Variants in PLCE1 observed in about 807,000 individuals in gnomAD.
PLCE1 encodes 1-phosphatidylinositol 4,5-bisphosphate phosphodiesterase epsilon-1.
A neutral mutation model predicts 242.8 loss-of-function variants in PLCE1; 119 were observed. The observed-to-expected ratio is 0.49, with a 90% CI of 0.42 to 0.57. The LOEUF (loss-of-function observed/expected upper bound fraction) is 0.57. Among genes scored for constraint, PLCE1 ranks in the 20% least tolerant of loss-of-function variants. PLCE1 has a pLI of 0.00. For missense variants in PLCE1, 2,441 were observed against 2,788.8 expected (o/e 0.88, Z 2.81); for synonymous variants, 945 against 1,017.4 (o/e 0.93, Z 1.35).
intron 28 of PLCE1, among the ~76,000 whole-genome samples, chr10:94,314,171 G>A (rs2053488448): frequency 6.6e-6 from 1 of 152,194 alleles, no homozygotes; most frequent in Admixed American, 6.5e-5. Context: ...AAAGAGGGAG[G>A]GGGCATGTCC....
At chr10:94,064,144 AT>A (rs1157297886) in intron 2 of PLCE1, among the ~76,000 whole-genome samples, 10 of 152,138 alleles carry the variant, frequency 6.6e-5, no homozygotes, top group African/African-American at 2.4e-4. Context: ...TTTACACATT[AT>A]TTATTTCTAT....
Position 94,171,341 on chromosome 10 carries a change from C to T in PLCE1, c.1654C>T (p.Pro552Ser). Residue 552 changes from proline (P) to serine (S), a missense_variant, in exon 4 of 33, where the codon CCA becomes TCA. Around this residue, in one of 5 missense-constraint regions of PLCE1, gnomAD observed 733 missense variants for 754.2 expected, o/e 0.97. Transcript: ENST00000371380. ...GCAGACTATTTACCGCAGGGTCTTGCCAGTCGACTACCTTTGCTTCTTAAC... is the reference window on the plus strand; with the variant it reads ...GCAGACTATTTACCGCAGGGTCTTGTCAGTCGACTACCTTTGCTTCTTAAC... The part of the protein sequence containing the change: ...QEQTIYRRVL[P>S]VDYLCFLTRD... The T allele has an allele frequency of 6.2e-7, 1 of 1,614,170 alleles. No homozygotes were observed. Among genetic ancestry groups the T allele is most frequent in the Admixed American group, 1.7e-5 (1 of 60,028 alleles).
At chr10:94,249,273 A>C (rs1234021812) in intron 8 of PLCE1, among the ~76,000 whole-genome samples, 2 of 152,154 alleles carry the variant, frequency 1.3e-5, no homozygotes, top group African/African-American at 4.8e-5. Flanking sequence ...TCATCATATA[A>C]ACCAGTTCCC....
Position 94,293,505 on chromosome 10 carries a change from C to A in PLCE1, c.5036-3C>A. 1 of 1,613,052 alleles carries A rather than the reference C, an allele frequency of 6.2e-7. No homozygotes were observed. Among genetic ancestry groups the A allele is most frequent in the Non-Finnish European group, 8.5e-7 (1 of 1,179,364 alleles). On this transcript the variant is annotated splice_polypyrimidine_tract_variant and splice_region_variant and intron_variant, in intron 22 of 32. Coordinates refer to ENST00000371380, the MANE Select transcript of PLCE1 (RefSeq NM_016341.4). The stretch of plus-strand genomic sequence containing the variant: ...CTTATTTATTTTCATTTTATGGGAA[C>A]AGGACTGTCAACTCTAAATGCATCT...
chr10:94,036,747 G>A (rs930999002), intron 2 of PLCE1, among the ~76,000 whole-genome samples: 12 of 152,122 alleles, frequency 7.9e-5, no homozygotes, highest in Non-Finnish European at 1.3e-4. Context: ...TGAATTTTGA[G>A]GAGTTTAGAT....
Position 94,246,570 on chromosome 10 carries a change from C to T in PLCE1, c.3045C>T (p.Phe1015=), listed in dbSNP as rs745546558. ...GAGCTGTGAGAAAGATGAGGAAATT[C>T]CCTGACCAAAGACAGCAGTGGCTGC... ...LTRAVRKMRK[F]PDQRQQWLRK... The change falls in exon 8 of 33, where the codon TTC becomes TTT. Residue 1015 remains phenylalanine, a synonymous_variant. Transcript: ENST00000371380. The T allele has an allele frequency of 6.2e-7, 1 of 1,614,132 alleles. No individual in the cohort carries two copies. Among genetic ancestry groups the T allele is most frequent in the East Asian group, 2.2e-5 (1 of 44,870 alleles).
At chr10:94,148,614 C>T (rs2047184883) in intron 3 of PLCE1, among the ~76,000 whole-genome samples, 1 of 152,004 alleles carries the variant, frequency 6.6e-6, no homozygotes, top group African/African-American at 2.4e-5. Flanking sequence ...CTAGCTCAAC[C>T]ATGAGAAAGT....
At chr10:94,126,545 A>G (rs1037813405) in intron 2 of PLCE1, among the ~76,000 whole-genome samples, 1 of 152,218 alleles carries the variant, frequency 6.6e-6, no homozygotes, top group Non-Finnish European at 1.5e-5. Flanking sequence ...CTCAGTAAAT[A>G]TAAATCACTT....
At chr10:94,064,138 C>T (rs1386438925) in intron 2 of PLCE1, among the ~76,000 whole-genome samples, 3 of 152,164 alleles carry the variant, frequency 2.0e-5, no homozygotes, top group African/African-American at 7.2e-5. Flanking sequence ...CATGTTTTTA[C>T]ACATTATTTA....
chr10:94,123,812 C>T (rs1250338256), intron 2 of PLCE1, among the ~76,000 whole-genome samples: 1 of 152,192 alleles, frequency 6.6e-6, no homozygotes, highest in African/African-American at 2.4e-5. Flanking sequence ...ACACTTCATG[C>T]TGTGAGAGGC....
intron 4 of PLCE1, among the ~76,000 whole-genome samples, chr10:94,219,111 A>G (rs1421375067): frequency 6.6e-6 from 1 of 151,932 alleles, no homozygotes; most frequent in African/African-American, 2.4e-5. Context: ...ATGCCAAGCT[A>G]TCAATGGGCA....
intron 19 of PLCE1, among the ~76,000 whole-genome samples, chr10:94,274,936 A>C (rs2133189623): frequency 6.6e-6 from 1 of 152,260 alleles, no homozygotes; most frequent in African/African-American, 2.4e-5. Flanking sequence ...CTGACCACCC[A>C]GTGTGGTGCT....
chr10:94,307,215 T>C (rs936916870), intron 26 of PLCE1, among the ~76,000 whole-genome samples: 2 of 152,202 alleles, frequency 1.3e-5, no homozygotes, highest in African/African-American at 4.8e-5. Flanking sequence ...CTGTGCATTG[T>C]TTTTAAACTT....
At chr10:94,124,789 A>G (rs1353643636) in intron 2 of PLCE1, among the ~76,000 whole-genome samples, 1 of 152,220 alleles carries the variant, frequency 6.6e-6, no homozygotes, top group African/African-American at 2.4e-5. Flanking sequence ...GAGAGAATAG[A>G]TCAGATTAAG....
At chr10:94,124,500 G>T (rs2046386532) in intron 2 of PLCE1, among the ~76,000 whole-genome samples, 1 of 152,080 alleles carries the variant, frequency 6.6e-6, no homozygotes. Flanking sequence ...TCGTGATAAA[G>T]ATAAGAAAAC....
At chr10:94,210,131 G>C (rs975767436) in intron 4 of PLCE1, among the ~76,000 whole-genome samples, 2 of 149,850 alleles carry the variant, frequency 1.3e-5, no homozygotes, top group Non-Finnish European at 1.5e-5. Flanking sequence ...TTTTTTGTTT[G>C]TTGTTTGTTT....
intron 1 of PLCE1, among the ~76,000 whole-genome samples, chr10:94,010,676 CT>C (rs1589850349): frequency 6.6e-6 from 1 of 152,172 alleles, no homozygotes; most frequent in African/African-American, 2.4e-5. Flanking sequence ...TAAAAAATTT[CT>C]TCTGCCAAAT....
chr10:94,299,442 A>G (rs1015328303), intron 24 of PLCE1, among the ~76,000 whole-genome samples: 2 of 152,210 alleles, frequency 1.3e-5, no homozygotes, highest in Admixed American at 6.5e-5. Flanking sequence ...GTAGTAATAA[A>G]TTCAAGGAGT....
In PLCE1 at chr10:94,332,255, G is replaced by C. The variant is rs920601468; in HGVS notation, c.*4312G>C. On this transcript the variant is annotated 3_prime_UTR_variant, in exon 33 of 33. Coordinates refer to ENST00000371380, the MANE Select transcript of PLCE1 (RefSeq NM_016341.4). ...GATCTCTGAAACCTTCCCTATTGCA[G>C]ATGACATAGGTCTCTAAACTTTTGA... 2 of 152,148 alleles carry C rather than the reference G, an allele frequency of 1.3e-5. No individual in the cohort carries two copies. The highest frequency in any genetic ancestry group is 4.8e-5 in the African/African-American group (2 of 41,428). The allele number at this position is 152,148 out of a possible 1,614,324, so 9.4% of individuals were successfully genotyped here.
Sources: allele counts gnomAD v4.1 joint callset (sites outside exome capture counted in the v4.1 genomes callset), GRCh38; gene constraint gnomAD v4.1.1; regional missense constraint gnomAD v4.1.1; transcripts MANE v1.5; gene names NCBI Gene and HGNC (gene_info 2026-07-23, HGNC 2026-07-21).